The following DUS2 variants were observed in gnomAD, a reference collection of about 807,000 sequenced individuals.
The protein encoded by DUS2 is tRNA-dihydrouridine(20) synthase [NAD(P)+]-like.
In DUS2, 52 loss-of-function variants were observed where a neutral mutation model predicts 71.3. The observed-to-expected ratio is 0.73, with a 90% CI of 0.58 to 0.92. DUS2 has a LOEUF of 0.92. Ranked by LOEUF, DUS2 falls within the 40% of genes least tolerant of loss-of-function variation. DUS2 has a pLI of 0.00. For synonymous variants in DUS2, 204 were observed against 227.8 expected (o/e 0.90, Z 0.94); for missense variants, 558 against 622.6 (o/e 0.90, Z 1.10).
chr16:68,039,579 T>C (rs923250604), intron 3 of DUS2, among the ~76,000 whole-genome samples: 2 of 152,054 alleles, frequency 1.3e-5, no homozygotes, highest in Non-Finnish European at 2.9e-5. Context: ...CCACCACGCC[T>C]GGCTAATTTC....
chr16:68,033,717 C>T (rs1233869550), intron 2 of DUS2, among the ~76,000 whole-genome samples: 2 of 149,132 alleles, frequency 1.3e-5, no homozygotes, highest in Non-Finnish European at 3.0e-5. Flanking sequence ...CAGCTCACTT[C>T]ATCTCCTGGG....
chr16:68,058,310 C>T lies in DUS2; in HGVS notation c.369+1886C>T, dbSNP rs189313231. ...TGCAATCTCGGCTGACTGCAACCTC[C>T]GTCTCCTGGGTTCAAGCGATTCTCC... On this transcript the variant is annotated intron_variant, in intron 7 of 16. Transcript: ENST00000565263. Among the ~76,000 whole-genome samples, 108 of 151,752 alleles carry T rather than the reference C, an allele frequency of 7.1e-4. No individual in the cohort carries two copies. The Middle Eastern group carries it at 0.014, about 19-fold the overall frequency.
At chr16:68,056,454 A>C in intron 7 of DUS2, 30 bp downstream of exon 7, 1 of 1,575,568 alleles carries the variant, frequency 6.3e-7, no homozygotes. Context: ...CTCCTCATAA[A>C]CATAGGATGC....
chr16:68,051,097 A>T (rs1271865766), intron 4 of DUS2, among the ~76,000 whole-genome samples: 3 of 152,208 alleles, frequency 2.0e-5, no homozygotes, highest in Admixed American at 6.6e-5. Flanking sequence ...ACAGCCTTTG[A>T]GGTAGGCATA....
Position 68,045,626 on chromosome 16 carries a change from C to A in DUS2, c.127-3879C>A, listed in dbSNP as rs370838993. Among the ~76,000 whole-genome samples, 762 of 149,932 alleles carry A rather than the reference C, an allele frequency of 5.1e-3. 8 individuals carry two copies. Among genetic ancestry groups the A allele is most frequent in the African/African-American group, 0.017 (695 of 40,864 alleles). Reference sequence around the variant, plus strand: ...AACTCTGTCTTAAAAAAAAAAAAAACATCATCTGCAAATATAGTTTTACTT... The same window carrying A: ...AACTCTGTCTTAAAAAAAAAAAAAAAATCATCTGCAAATATAGTTTTACTT... On this transcript the variant is annotated intron_variant, in intron 3 of 16. Coordinates refer to ENST00000565263, the MANE Select transcript of DUS2 (RefSeq NM_017803.5).
At chr16:68,069,442 A>G (rs1199474055) in intron 10 of DUS2, among the ~76,000 whole-genome samples, 4 of 152,196 alleles carry the variant, frequency 2.6e-5, no homozygotes, top group Non-Finnish European at 2.9e-5. Flanking sequence ...CAAGAGCTGG[A>G]CAAGGGCTAT....
At position 68,078,464 on chromosome 16, in the gene DUS2, G is replaced by T; in HGVS notation, c.1190G>T (p.Arg397Leu). The T allele has an allele frequency of 1.9e-6, 3 of 1,614,076 alleles. No homozygotes were observed. The highest frequency in any genetic ancestry group is 1.3e-5 in the African/African-American group (1 of 75,050). The change falls in exon 16 of 17, where the codon CGC (arginine) becomes CTC (leucine). Residue 397 changes from arginine (R) to leucine (L), a missense_variant. Arg to Leu is a moderately radical substitution (Grantham distance 102, BLOSUM62 -2). Transcript: ENST00000565263. ...VYETVQRPLD[R>L]LFSSIVTVAE... ...TATCAGGTTCAACGCCCTCTAGATC[G>T]CCTGTTCTCCTCTATTGTCACCGTT... is the stretch of plus-strand genomic sequence containing the variant.
At chr16:68,053,765 C>T (rs1425351717) in intron 5 of DUS2, 110 bp downstream of exon 5, 19 of 1,067,640 alleles carry the variant, frequency 1.8e-5, no homozygotes, top group East Asian at 7.4e-5. Context: ...CATTGTACAA[C>T]GATGGCTTCC....
At chr16:68,059,688 C>T (rs887358968) in intron 7 of DUS2, among the ~76,000 whole-genome samples, 2 of 152,200 alleles carry the variant, frequency 1.3e-5, no homozygotes, top group Non-Finnish European at 2.9e-5. Context: ...CTTACACCTT[C>T]TGAGCACATT....
intron 7 of DUS2, among the ~76,000 whole-genome samples, chr16:68,058,606 G>A (rs949291234): frequency 2.6e-5 from 4 of 152,062 alleles, no homozygotes; most frequent in Admixed American, 1.3e-4. Flanking sequence ...GGCAGGGTAA[G>A]GTGGTATATA....
chr16:68,041,329 G>A (rs751043025), intron 3 of DUS2, among the ~76,000 whole-genome samples: 3 of 152,204 alleles, frequency 2.0e-5, no homozygotes, highest in Admixed American at 1.3e-4. Flanking sequence ...TTTTTGAGGA[G>A]TGATGACAGT....
chr16:68,076,751 C>T, intron 15 of DUS2, 32 bp downstream of exon 15: 1 of 1,570,906 alleles, frequency 6.4e-7, no homozygotes, highest in Non-Finnish European at 8.8e-7. Flanking sequence ...GCCCTGCAGC[C>T]AGTCACAGCA....
chr16:68,049,487 C>A lies in DUS2; in HGVS notation c.127-18C>A. ...CTACATGTTCAGGAATGACAAGCGT[C>A]CTCTGATTCCTCTGCAGGAGCTGAT... On this transcript the variant is annotated intron_variant, in intron 3 of 16. Transcript: ENST00000565263. 2 of 1,613,930 alleles carry A rather than the reference C, an allele frequency of 1.2e-6. No homozygotes were observed. Among genetic ancestry groups the A allele is most frequent in the Non-Finnish European group, 1.7e-6 (2 of 1,179,842 alleles).
intron 7 of DUS2, 117 bp downstream of exon 7, chr16:68,056,541 G>A: frequency 1.3e-6 from 1 of 775,232 alleles, no homozygotes; most frequent in South Asian, 1.7e-5. Context: ...TGGGGAAAAT[G>A]CTCAAAAAGA....
At chr16:68,031,179 T>C (rs1483303272) in intron 2 of DUS2, among the ~76,000 whole-genome samples, 1 of 152,196 alleles carries the variant, frequency 6.6e-6, no homozygotes, top group Non-Finnish European at 1.5e-5. Flanking sequence ...CTCTTTTTTT[T>C]CTTTTTTGGA....
At chr16:68,029,243 C>G in intron 2 of DUS2, among the ~76,000 whole-genome samples, 1 of 151,408 alleles carries the variant, frequency 6.6e-6, no homozygotes, top group Middle Eastern at 3.2e-3. Context: ...CTCCTCAAAT[C>G]TAACAAATCA....
intron 2 of DUS2, among the ~76,000 whole-genome samples, chr16:68,030,630 T>A (rs970795600): frequency 1.3e-5 from 2 of 152,044 alleles, no homozygotes; most frequent in Non-Finnish European, 2.9e-5. Context: ...CCACTAGAAA[T>A]CCCTTCATGT....
At position 68,075,460 on chromosome 16, in the gene DUS2, T is replaced by C. The variant is rs1317320824; in HGVS notation, c.1038T>C (p.Ala346=). The C allele has an allele frequency of 1.2e-6, 2 of 1,613,810 alleles. No homozygotes were observed. Among genetic ancestry groups the C allele is most frequent in the East Asian group, 4.5e-5 (2 of 44,892 alleles). ...CTTCAGAGCAGACAGGGGAGCCAGC[T>C]GAAGATACCTCTGGTGTCATTAAGA... ...AKTSEQTGEP[A]EDTSGVIKMA... Residue 346 remains alanine, a synonymous_variant, in exon 14 of 17, where the codon GCT becomes GCC. Transcript: ENST00000565263.
intron 4 of DUS2, among the ~76,000 whole-genome samples, chr16:68,051,216 G>A (rs148912954): frequency 3.4e-4 from 52 of 152,272 alleles, no homozygotes; most frequent in Middle Eastern, 3.4e-3. Flanking sequence ...ATAAAATACA[G>A]TTGCTTCTCA....
Sources: allele counts gnomAD v4.1 joint callset (sites outside exome capture counted in the v4.1 genomes callset), GRCh38; gene constraint gnomAD v4.1.1; transcripts MANE v1.5; gene names NCBI Gene and HGNC (gene_info 2026-07-23, HGNC 2026-07-21).